SND1: variants seen among roughly 807,000 people sequenced by gnomAD.
The protein encoded by SND1 is staphylococcal nuclease and tudor domain containing 1.
A neutral mutation model predicts 121.7 loss-of-function variants in SND1; 38 were observed. The observed-to-expected ratio is 0.31, with a 90% CI of 0.24 to 0.41. The LOEUF (loss-of-function observed/expected upper bound fraction) is 0.41, where lower values mean the gene tolerates loss of function less well. Among genes scored for constraint, SND1 ranks in the 10% least tolerant of loss-of-function variants. The pLI, the probability that SND1 is intolerant of heterozygous loss-of-function variation, is 1.00. For missense variants in SND1, 868 were observed against 1,184.6 expected (o/e 0.73, Z 3.92); for synonymous variants, 401 against 447.4 (o/e 0.90, Z 1.31).
rs550229384 is a variant in SND1 at position 127,988,678 on chromosome 7, A to G, written c.1670-2269A>G. 1.4e-4 allele frequency among the ~76,000 whole-genome samples: 22 copies of G among 152,348 alleles called. No individual in the cohort carries two copies. In the South Asian group the frequency reaches 4.3e-3, roughly 30 times the overall value. ...AATACCAAGAGAGTGACAAAGGAGTAGAGTGGTACTCAGTAAGTGAAGCTC... is the reference window on the plus strand; with the variant it reads ...AATACCAAGAGAGTGACAAAGGAGTGGAGTGGTACTCAGTAAGTGAAGCTC... On this transcript the variant is annotated intron_variant, in intron 15 of 23. Transcript: ENST00000354725.
intron 16 of SND1, among the ~76,000 whole-genome samples, chr7:128,035,422 T>C (rs1162429398): frequency 6.6e-6 from 1 of 152,178 alleles, no homozygotes; most frequent in African/African-American, 2.4e-5. Context: ...TCGGACTGTG[T>C]TTTCCCAGCT....
chr7:127,917,947 A>G (rs1800619520), intron 14 of SND1, among the ~76,000 whole-genome samples: 1 of 152,202 alleles, frequency 6.6e-6, no homozygotes, highest in African/African-American at 2.4e-5. Context: ...AATTCACTGC[A>G]GTGAATGTTG....
intron 13 of SND1, among the ~76,000 whole-genome samples, chr7:127,888,725 T>G (rs982337621): frequency 3.3e-5 from 5 of 152,098 alleles, no homozygotes; most frequent in African/African-American, 1.2e-4. Flanking sequence ...CTGAACTGAC[T>G]TGGATAGCTC....
At chr7:127,844,173 C>T (rs764712394) in intron 11 of SND1, 151 bp from the exon 12 acceptor site, 45 of 474,090 alleles carry the variant, frequency 9.5e-5, no homozygotes, top group Non-Finnish European at 1.6e-4. Context: ...GTCTGTTGCT[C>T]AGCTATTTCT....
At chr7:127,699,035 G>T (rs1008818710) in intron 4 of SND1, 82 bp downstream of exon 4, 15 of 1,090,394 alleles carry the variant, frequency 1.4e-5, no homozygotes, top group Non-Finnish European at 1.8e-5. Flanking sequence ...CCAGACATGG[G>T]TAACTGCAGG....
chr7:127,986,824 T>C (rs530562364), intron 15 of SND1, among the ~76,000 whole-genome samples: 11 of 152,334 alleles, frequency 7.2e-5, no homozygotes, highest in African/African-American at 2.6e-4. Flanking sequence ...AGTCCCCCCA[T>C]GGGGGATCTG....
intron 18 of SND1, among the ~76,000 whole-genome samples, chr7:128,084,198 C>G (rs1793651785): frequency 6.6e-6 from 1 of 152,182 alleles, no homozygotes; most frequent in Non-Finnish European, 1.5e-5. Context: ...AATTCTGGGG[C>G]CTTTTCCACG....
At chr7:127,901,644 G>A (rs1021565712) in intron 13 of SND1, among the ~76,000 whole-genome samples, 1 of 152,128 alleles carries the variant, frequency 6.6e-6, no homozygotes, top group Non-Finnish European at 1.5e-5. Flanking sequence ...TTTGAATTTA[G>A]TGGTTAACTA....
chr7:127,659,026 G>C (rs925646302), intron 1 of SND1, among the ~76,000 whole-genome samples: 1 of 152,224 alleles, frequency 6.6e-6, no homozygotes, highest in Non-Finnish European at 1.5e-5. Flanking sequence ...GAAGAGCATA[G>C]TTACATACTG....
chr7:127,897,522 T>A (rs143885844), intron 13 of SND1, among the ~76,000 whole-genome samples: 2 of 152,158 alleles, frequency 1.3e-5, no homozygotes, highest in African/African-American at 4.8e-5. Context: ...GTAGTTGGGA[T>A]TCATAGGGAA....
At chr7:128,075,249 G>A (rs1793488190) in intron 17 of SND1, among the ~76,000 whole-genome samples, 1 of 152,258 alleles carries the variant, frequency 6.6e-6, no homozygotes, top group African/African-American at 2.4e-5. Flanking sequence ...ATTGAGGAAT[G>A]CAGTGATTTG....
intron 1 of SND1, among the ~76,000 whole-genome samples, chr7:127,680,603 G>A (rs893803910): frequency 2.0e-5 from 3 of 151,848 alleles, no homozygotes; most frequent in East Asian, 1.9e-4. Context: ...CCGGCTCACC[G>A]GCGGTCAGAG....
intron 21 of SND1, among the ~76,000 whole-genome samples, chr7:128,088,528 C>CTGCA (rs1206955425): frequency 2.1e-5 from 3 of 145,596 alleles, no homozygotes; most frequent in Non-Finnish European, 4.5e-5. Flanking sequence ...TCTCGGCTCA[C>CTGCA]TGCAACCTCT....
chr7:127,726,828 G>T (rs1796590037), intron 10 of SND1, among the ~76,000 whole-genome samples: 1 of 152,170 alleles, frequency 6.6e-6, no homozygotes, highest in Non-Finnish European at 1.5e-5. Context: ...CCAATCCCCA[G>T]GTGTATAAAA....
chr7:127,672,923 C>T lies in SND1; in HGVS notation c.79-13690C>T, dbSNP rs1001405261. Among the ~76,000 whole-genome samples the T allele has an allele frequency of 5.3e-5, 8 of 152,126 alleles. No homozygotes were observed. The East Asian group carries it at 1.5e-3, about 29-fold the overall frequency. ...CTAAGTTCTCCTCAGTGCACCATAT[C>T]AGTGAGGCACACCATGTCACTGTCA... is the stretch of plus-strand genomic sequence containing the variant. On this transcript the variant is annotated intron_variant, in intron 1 of 23. Coordinates refer to ENST00000354725, the MANE Select transcript of SND1 (RefSeq NM_014390.4).
At chr7:127,713,717 T>TTAAA (rs1796335144) in intron 9 of SND1, among the ~76,000 whole-genome samples, 1 of 152,232 alleles carries the variant, frequency 6.6e-6, no homozygotes, top group African/African-American at 2.4e-5. Context: ...AAGAGGCTTA[T>TTAAA]TAAGCCTGAG....
At chr7:127,798,999 G>A (rs1312333971) in intron 10 of SND1, among the ~76,000 whole-genome samples, 1 of 148,776 alleles carries the variant, frequency 6.7e-6, no homozygotes, top group East Asian at 1.9e-4. Flanking sequence ...GTGAGCCCTT[G>A]TCATGCCATT....
intron 15 of SND1, among the ~76,000 whole-genome samples, chr7:127,942,781 A>T (rs1331343864): frequency 1.3e-5 from 2 of 152,196 alleles, no homozygotes; most frequent in African/African-American, 4.8e-5. Flanking sequence ...TTCTCCCTAA[A>T]GGTTTTCTCT....
intron 10 of SND1, among the ~76,000 whole-genome samples, chr7:127,750,347 G>C: frequency 6.6e-6 from 1 of 152,142 alleles, no homozygotes; most frequent in East Asian, 1.9e-4. Flanking sequence ...CCACTGGTTG[G>C]AATGCTGAGG....
Sources: allele counts gnomAD v4.1 joint callset (sites outside exome capture counted in the v4.1 genomes callset), GRCh38; gene constraint gnomAD v4.1.1; transcripts MANE v1.5; gene names NCBI Gene and HGNC (gene_info 2026-07-23, HGNC 2026-07-21).